Variants in AFTPH observed in about 807,000 individuals in gnomAD.
AFTPH encodes the protein aftiphilin.
In AFTPH, 7 loss-of-function variants were observed where a neutral mutation model predicts 72.5. The ratio of observed to expected loss-of-function variants is 0.10; its 90% CI spans 0.05 to 0.18. The LOEUF (loss-of-function observed/expected upper bound fraction) is 0.18. Among genes scored for constraint, AFTPH ranks in the 10% least tolerant of loss-of-function variants. AFTPH has a pLI of 1.00. For synonymous variants in AFTPH, 337 were observed against 370.1 expected (o/e 0.91, Z 1.03); for missense variants, 979 against 1,060.5 (o/e 0.92, Z 1.07).
At chr2:64,591,283 GTACGTGCATAA>G (rs1191513664) in intron 8 of AFTPH, among the ~76,000 whole-genome samples, 1 of 152,332 alleles carries the variant, frequency 6.6e-6, no homozygotes, top group East Asian at 1.9e-4. Flanking sequence ...TCCTGCCTGT[GTACGTGCATAA>G]TAACACCAGC....
chr2:64,549,541 G>A (rs997317639), intron 1 of AFTPH, among the ~76,000 whole-genome samples: 2 of 151,694 alleles, frequency 1.3e-5, no homozygotes, highest in African/African-American at 2.4e-5. Context: ...GGCTGGTCTT[G>A]AACTCCTGAC....
In AFTPH at chr2:64,552,346, C is replaced by G. The variant is rs748742884; in HGVS notation, c.872C>G (p.Thr291Ser). Residue 291 changes from threonine (T) to serine (S), a missense_variant, in exon 2 of 9, where the codon ACT becomes AGT. Transcript: ENST00000238856. ...AGAAGCTTGGATAACAAAGGAGACACTGATGGAGAGGATCAGGTTTGTGTT... is the reference window on the plus strand; with the variant it reads ...AGAAGCTTGGATAACAAAGGAGACAGTGATGGAGAGGATCAGGTTTGTGTT... The G allele has an allele frequency of 1.9e-6, 3 of 1,613,940 alleles. No homozygotes were observed. The African/African-American group carries it at 4.0e-5, about 22-fold the overall frequency.
intron 6 of AFTPH, among the ~76,000 whole-genome samples, chr2:64,576,108 CACACACACACGT>C (rs1432178004): frequency 1.8e-5 from 2 of 111,574 alleles, no homozygotes; most frequent in Admixed American, 8.8e-5. Flanking sequence ...CACACACACA[CACACACACACGT>C]GTGTCATACA....
chr2:64,583,648 C>T (rs764261892), intron 7 of AFTPH, among the ~76,000 whole-genome samples: 1 of 152,128 alleles, frequency 6.6e-6, no homozygotes. Context: ...ACTTTGGGCT[C>T]ATGTAGTCCC....
intron 1 of AFTPH, among the ~76,000 whole-genome samples, chr2:64,539,620 GA>G (rs1670101460): frequency 6.6e-6 from 1 of 152,174 alleles, no homozygotes; most frequent in Non-Finnish European, 1.5e-5. Flanking sequence ...CACAATTCAA[GA>G]GTGGTTAGTA....
chr2:64,565,084 C>T (rs1370075347), intron 2 of AFTPH, among the ~76,000 whole-genome samples: 2 of 151,998 alleles, frequency 1.3e-5, no homozygotes, highest in Non-Finnish European at 2.9e-5. Context: ...AGCAATCCAC[C>T]CGCCTCGGCT....
chr2:64,585,310 GT>G, intron 7 of AFTPH, 111 bp from the exon 9 acceptor site: 1 of 1,318,792 alleles, frequency 7.6e-7, no homozygotes, highest in South Asian at 1.2e-5. Context: ...GATATGTTCT[GT>G]TTGTAAAACA....
At chr2:64,582,924 G>T (rs531725435) in intron 7 of AFTPH, among the ~76,000 whole-genome samples, 8 of 152,146 alleles carry the variant, frequency 5.3e-5, no homozygotes, top group South Asian at 2.1e-4. Context: ...AAGAGCAAGC[G>T]GTTTCAGAAG....
intron 6 of AFTPH, 138 bp from the exon 7 acceptor site, chr2:64,579,348 T>C: frequency 1.8e-6 from 1 of 567,850 alleles, no homozygotes; most frequent in Non-Finnish European, 3.0e-6. Context: ...GGTAACCTTC[T>C]GAAATTGTAA....
Position 64,581,288 on chromosome 2 carries a change from A to G in AFTPH, c.2455+1742A>G. The G allele has an allele frequency of 6.4e-7, 1 of 1,570,992 alleles. No homozygotes were observed. Among genetic ancestry groups the G allele is most frequent in the Non-Finnish European group, 8.6e-7 (1 of 1,157,936 alleles). On this transcript the variant is annotated intron_variant, in intron 7 of 8. Transcript: ENST00000238856. ...CACAATCCCAGGTCAGCAGAGTGTT[A>G]AAACCACAATTCCAGTTTATTTACT... is the stretch of plus-strand genomic sequence containing the variant.
At chr2:64,565,934 A>C (rs551473660) in intron 2 of AFTPH, among the ~76,000 whole-genome samples, 1 of 152,354 alleles carries the variant, frequency 6.6e-6, no homozygotes, top group Admixed American at 6.5e-5. Context: ...AACATTGCCC[A>C]AGTGGTTGGA....
chr2:64,536,910 A>C (rs1372397236), intron 1 of AFTPH, among the ~76,000 whole-genome samples: 1 of 144,938 alleles, frequency 6.9e-6, no homozygotes, highest in Non-Finnish European at 1.5e-5. Flanking sequence ...CCATGATTGC[A>C]CCACTGTACT....
At chr2:64,568,712 C>T (rs901307277) in intron 3 of AFTPH, among the ~76,000 whole-genome samples, 1 of 152,178 alleles carries the variant, frequency 6.6e-6, no homozygotes. Context: ...TGGGTTCAAG[C>T]AGTTCTCCTG....
chr2:64,590,362 T>C (rs879599830), intron 8 of AFTPH, among the ~76,000 whole-genome samples: 5 of 152,194 alleles, frequency 3.3e-5, no homozygotes, highest in Admixed American at 1.3e-4. Flanking sequence ...AAAGGCTTGC[T>C]GAATTCAGGG....
intron 6 of AFTPH, among the ~76,000 whole-genome samples, chr2:64,573,746 C>T (rs943752456): frequency 6.6e-6 from 1 of 151,926 alleles, no homozygotes; most frequent in Non-Finnish European, 1.5e-5. Flanking sequence ...TAACCTCTGC[C>T]TCCTGGGTTC....
At chr2:64,572,396 T>C (rs1222189683) in intron 5 of AFTPH, among the ~76,000 whole-genome samples, 1 of 152,158 alleles carries the variant, frequency 6.6e-6, no homozygotes, top group African/African-American at 2.4e-5. Context: ...GATATAGATG[T>C]CATATTATAT....
At chr2:64,589,854 A>T (rs1367496227) in intron 8 of AFTPH, among the ~76,000 whole-genome samples, 2 of 152,002 alleles carry the variant, frequency 1.3e-5, no homozygotes, top group African/African-American at 4.8e-5. Context: ...AAAAAAAATT[A>T]AAAATGAAAG....
chr2:64,572,100 A>G (rs1167522048), intron 5 of AFTPH, among the ~76,000 whole-genome samples: 2 of 151,818 alleles, frequency 1.3e-5, no homozygotes, highest in Non-Finnish European at 2.9e-5. Context: ...GACACCTGTA[A>G]TCTTAGCTAC....
chr2:64,576,485 AAAC>A (rs1346087915), intron 6 of AFTPH, among the ~76,000 whole-genome samples: 4 of 152,138 alleles, frequency 2.6e-5, no homozygotes, highest in Admixed American at 2.6e-4. Flanking sequence ...TTAAGGGTGA[AAAC>A]AGTAATTTTA....
Sources: gnomAD v4.1 joint callset for allele counts (sites outside exome capture counted in the v4.1 genomes callset) on GRCh38, gnomAD v4.1.1 for gene constraint, MANE v1.5 for transcripts, NCBI Gene and HGNC (gene_info 2026-07-23, HGNC 2026-07-21) for gene names.